Variants in SEMA3A observed in about 807,000 individuals in gnomAD.
The protein encoded by SEMA3A is semaphorin-3A.
Under a neutral mutation model 97.9 loss-of-function variants are expected in SEMA3A, and 29 were observed. The observed-to-expected ratio is 0.30, with a 90% CI of 0.22 to 0.40. SEMA3A has a LOEUF of 0.40. SEMA3A is among the 10% of genes least tolerant of loss of function. The pLI is 1.00. For synonymous variants in SEMA3A, 321 were observed against 323.7 expected (o/e 0.99, Z 0.09); for missense variants, 763 against 951.3 (o/e 0.80, Z 2.60).
chr7:84,056,227 C>G (rs1250354979), intron 5 of SEMA3A, among the ~76,000 whole-genome samples: 1 of 152,132 alleles, frequency 6.6e-6, no homozygotes, highest in Non-Finnish European at 1.5e-5. Context: ...TGAACAAAAA[C>G]AGTTTTGTGA....
At chr7:84,320,787 G>A (rs1801626647) in intron 2 of SEMA3A, among the ~76,000 whole-genome samples, 1 of 152,074 alleles carries the variant, frequency 6.6e-6, no homozygotes, top group African/African-American at 2.4e-5. Flanking sequence ...GAAATCACAT[G>A]AAATTTCTCC....
chr7:83,977,363 G>A (rs970158476), intron 14 of SEMA3A, among the ~76,000 whole-genome samples, 167 bp from the exon 15 acceptor site: 3 of 151,958 alleles, frequency 2.0e-5, no homozygotes, highest in Admixed American at 6.5e-5. Flanking sequence ...TTAAAAAACA[G>A]TTCATTATAC....
rs1804437872 is a variant in SEMA3A at position 84,416,442 on chromosome 7, T to C, written c.-245-44542A>G. 2.6e-5 allele frequency among the ~76,000 whole-genome samples: 4 copies of C among 152,088 alleles called. No homozygotes were observed. The South Asian group carries it at 8.3e-4, about 32-fold the overall frequency. On this transcript the variant is annotated intron_variant, in intron 1 of 3. Transcript: ENST00000424555. ...TATGTGTTTATGAGCAGTGTGAAAA[T>C]GGACTAATACAAGTATATACATGTA...
In SEMA3A at chr7:84,060,534, A is replaced by C. The variant is rs142028375; in HGVS notation, c.478T>G (p.Ser160Ala). 6.3e-7 allele frequency: 1 copy of C among 1,594,580 alleles called. No individual in the cohort carries two copies. Among genetic ancestry groups the C allele is most frequent in the African/African-American group, 1.4e-5 (1 of 73,658 alleles). Residue 160 changes from serine (S) to alanine (A), a missense_variant, in exon 5 of 17, where the codon TCA becomes GCA. Physicochemically the swap from Ser to Ala is moderately conservative, Grantham distance 99. This residue lies in a region of SEMA3A where 678 missense variants were observed against 881.3 expected (regional missense o/e 0.77). Coordinates refer to ENST00000265362, the MANE Select transcript of SEMA3A (RefSeq NM_006080.3). ...PEDNIFKLENSHFENGRGKSP... is the reference protein window; with the variant it reads ...PEDNIFKLENAHFENGRGKSP... ...TTCCCACGGCCGTTTTCAAAATGTG[A>C]GTTCTCCAGCTTAAAAATATTGTCC... is the stretch of plus-strand genomic sequence containing the variant.
At chr7:84,146,619 AAC>A (rs1796469762) in intron 1 of SEMA3A, among the ~76,000 whole-genome samples, 1 of 152,222 alleles carries the variant, frequency 6.6e-6, no homozygotes, top group African/African-American at 2.4e-5. Flanking sequence ...GACTGCATAA[AAC>A]AAGTAAATGT....
At chr7:84,000,759 A>C (rs140263346) in intron 12 of SEMA3A, among the ~76,000 whole-genome samples, 141 of 152,300 alleles carry the variant, frequency 9.3e-4, no homozygotes, top group African/African-American at 3.2e-3. Flanking sequence ...TGTATGTTTC[A>C]ATGTTAATTA....
intron 3 of SEMA3A, among the ~76,000 whole-genome samples, chr7:84,280,012 C>T (rs1800399826): frequency 6.6e-6 from 1 of 152,202 alleles, no homozygotes; most frequent in Non-Finnish European, 1.5e-5. Context: ...ATCCACCCAC[C>T]TCAGCTTCCT....
At chr7:84,057,294 T>C (rs1179585769) in intron 5 of SEMA3A, among the ~76,000 whole-genome samples, 1 of 152,238 alleles carries the variant, frequency 6.6e-6, no homozygotes, top group Non-Finnish European at 1.5e-5. Flanking sequence ...AGTTGACTGT[T>C]CTTTCACATC....
intron 3 of SEMA3A, among the ~76,000 whole-genome samples, chr7:84,307,032 G>A (rs894530343): frequency 6.6e-6 from 1 of 151,630 alleles, no homozygotes; most frequent in Non-Finnish European, 1.5e-5. Flanking sequence ...TCAAATGTTG[G>A]AGCCCTCTCA....
At chr7:84,016,552 GAAAAA>G (rs890829220) in intron 6 of SEMA3A, among the ~76,000 whole-genome samples, 1 of 143,330 alleles carries the variant, frequency 7.0e-6, no homozygotes, top group Non-Finnish European at 1.5e-5. Flanking sequence ...AAAAAAAAAA[GAAAAA>G]AAAAGAAACC....
chr7:84,302,454 C>A (rs1374099455), intron 3 of SEMA3A, among the ~76,000 whole-genome samples: 1 of 152,082 alleles, frequency 6.6e-6, no homozygotes, highest in African/African-American at 2.4e-5. Context: ...ACCTCAAGGA[C>A]TTTTTATGCA....
upstream of SEMA3A, chr7:84,195,209 A>G (rs190803031): frequency 2.7e-3 from 409 of 152,276 alleles, 1 homozygote; most frequent in Non-Finnish European, 4.7e-3. Context: ...CAACACATGC[A>G]AAAAACATCT....
chr7:84,168,533 C>T (rs537682073), intron 1 of SEMA3A, among the ~76,000 whole-genome samples: 19 of 151,818 alleles, frequency 1.3e-4, no homozygotes, highest in Non-Finnish European at 2.4e-4. Context: ...TACAAATATA[C>T]ACAGAATTAC....
intron 1 of SEMA3A, among the ~76,000 whole-genome samples, 196 bp downstream of exon 1, chr7:84,194,279 A>G (rs1376279506): frequency 6.6e-6 from 1 of 152,078 alleles, no homozygotes; most frequent in Non-Finnish European, 1.5e-5. Context: ...GTTTGCATTT[A>G]AGTTGTCATA....
rs540149747 is a variant in SEMA3A at position 84,322,242 on chromosome 7, A to G, written c.-168-14950T>C. 5.3e-5 allele frequency among the ~76,000 whole-genome samples: 8 copies of G among 152,204 alleles called. No individual in the cohort carries two copies. In the South Asian group the frequency reaches 1.7e-3, roughly 32 times the overall value. On this transcript the variant is annotated intron_variant, in intron 2 of 3. Transcript: ENST00000424555. ...AAGTGAGATTTGGGTGGGGACACAG[A>G]GCCAAACCATATCATACTACTTACT...
At chr7:84,085,706 T>A (rs1295319294) in intron 4 of SEMA3A, among the ~76,000 whole-genome samples, 1 of 152,326 alleles carries the variant, frequency 6.6e-6, no homozygotes, top group East Asian at 1.9e-4. Context: ...TTTATCCTAA[T>A]TTTTTGATAT....
At chr7:84,341,278 T>G (rs897174140) in intron 2 of SEMA3A, among the ~76,000 whole-genome samples, 2 of 152,248 alleles carry the variant, frequency 1.3e-5, no homozygotes, top group African/African-American at 4.8e-5. Context: ...GTACCACTTA[T>G]TAAGCATTTC....
chr7:84,212,559 A>T (rs1202858768), intron 3 of SEMA3A, among the ~76,000 whole-genome samples: 1 of 152,322 alleles, frequency 6.6e-6, no homozygotes, highest in Middle Eastern at 3.4e-3. Context: ...ACTATTCATT[A>T]TACTAGTCAA....
chr7:84,481,154 G>T (rs1050650126), intron 1 of SEMA3A, among the ~76,000 whole-genome samples: 1 of 152,080 alleles, frequency 6.6e-6, no homozygotes, highest in African/African-American at 2.4e-5. Context: ...AGCTCCAAAG[G>T]CTTCTAAGTA....
Sources: gnomAD v4.1 joint callset for allele counts (sites outside exome capture counted in the v4.1 genomes callset) on GRCh38, gnomAD v4.1.1 for gene constraint, gnomAD v4.1.1 regional missense constraint, MANE v1.5 for transcripts, NCBI Gene and HGNC (gene_info 2026-07-23, HGNC 2026-07-21) for gene names.